EIF4ENIF1: variants seen among roughly 807,000 people sequenced by gnomAD.
The protein encoded by EIF4ENIF1 is eukaryotic translation initiation factor 4E nuclear import factor 1.
Under a neutral mutation model 110.5 loss-of-function variants are expected in EIF4ENIF1, and 23 were observed. The observed-to-expected ratio is 0.21, with a 90% CI of 0.15 to 0.29. EIF4ENIF1 has a LOEUF of 0.29. EIF4ENIF1 is among the 10% of genes least tolerant of loss of function. The probability of loss-of-function intolerance (pLI) is 1.00; values close to 1 mark genes in which losing one functional copy is unlikely to be tolerated. For synonymous variants in EIF4ENIF1, 440 were observed against 437.0 expected, an observed-to-expected ratio of 1.01 and a Z score of -0.09; for missense variants, 1,031 against 1,221.1, an observed-to-expected ratio of 0.84 and a Z score of 2.32.
rs150528076 is a variant in EIF4ENIF1 at position 31,447,546 on chromosome 22, T to C, written c.1868A>G (p.Gln623Arg). 4 of 1,606,406 alleles carry C rather than the reference T, an allele frequency of 2.5e-6. No homozygotes were observed. The highest frequency in any genetic ancestry group is 3.4e-6 in the Non-Finnish European group (4 of 1,174,962). ...GGCCAGCCCTTCTAAAGCTGCCTGTTGCAACTCCAGCTGGCTCATCTGCTG... is the reference window on the plus strand; with the variant it reads ...GGCCAGCCCTTCTAAAGCTGCCTGTCGCAACTCCAGCTGGCTCATCTGCTG... ...ITAQMSQLEL[Q>R]QAALEGLALP... Residue 623 changes from glutamine (Q) to arginine (R), a missense_variant, in exon 14 of 19, where the codon CAA (glutamine) becomes CGA (arginine). By Grantham distance (43) the Gln-to-Arg change is conservative. Transcript: ENST00000330125.
Position 31,439,805 on chromosome 22 carries a change from C to T in EIF4ENIF1, c.*75G>A. 1.3e-6 allele frequency: 2 copies of T among 1,568,304 alleles called. No individual in the cohort carries two copies. Among genetic ancestry groups the T allele is most frequent in the Non-Finnish European group, 1.7e-6 (2 of 1,165,656 alleles). ...GTGCTCCAAAGTAAAAGCCCATAAA[C>T]CAACCCGAGATGAAGCAGGGTCCTG... On this transcript the variant is annotated 3_prime_UTR_variant, in exon 19 of 19. Transcript: ENST00000330125.
Position 31,440,685 on chromosome 22 carries a change from G to A in EIF4ENIF1, c.2716+19C>T, listed in dbSNP as rs762520848. 6.2e-7 allele frequency: 1 copy of A among 1,609,594 alleles called. No homozygotes were observed. Reference sequence around the variant, plus strand: ...CCCTAAGTCCGTCCCAAACTCACCTGTCACATTCCTGAACCTACCTGAGCG... The same window carrying A: ...CCCTAAGTCCGTCCCAAACTCACCTATCACATTCCTGAACCTACCTGAGCG... On this transcript the variant is annotated intron_variant, in intron 18 of 18. Transcript: ENST00000330125.
At chr22:31,457,980 A>C (rs964114278) in intron 7 of EIF4ENIF1, among the ~76,000 whole-genome samples, 3 of 152,218 alleles carry the variant, frequency 2.0e-5, no homozygotes, top group African/African-American at 7.2e-5. Flanking sequence ...CTGTAATCCC[A>C]GCACTTTGGG....
rs754072166 is a variant in EIF4ENIF1, at chr22:31,449,484, CAGA to C, written c.1629_1631del (p.Leu544del). On this transcript the variant is annotated inframe_deletion, in exon 12 of 19. Coordinates refer to ENST00000330125, the MANE Select transcript of EIF4ENIF1 (RefSeq NM_019843.4). ...GCTCCAAGCTCCCCATAAGGCCACTCAGAAGATTGGAAGAAGCAGGTCTCTGAA... is the reference window on the plus strand; with the variant it reads ...GCTCCAAGCTCCCCATAAGGCCACTCAGATTGGAAGAAGCAGGTCTCTGAA... The C allele has an allele frequency of 4.6e-5, 74 of 1,613,984 alleles. No individual in the cohort carries two copies. Among genetic ancestry groups the C allele is most frequent in the Non-Finnish European group, 5.9e-5 (70 of 1,180,020 alleles).
chr22:31,455,090 T>G (rs1464251804), intron 9 of EIF4ENIF1, 46 bp downstream of exon 9: 1 of 1,529,856 alleles, frequency 6.5e-7, no homozygotes, highest in Admixed American at 1.9e-5. Flanking sequence ...AGACTGAACA[T>G]CTAGACCTTT....
At position 31,463,843 on chromosome 22, in the gene EIF4ENIF1, C is replaced by T; in HGVS notation, c.423G>A (p.Glu141=). ...GCAGACGAAGCCCATCACTATCTTT[C>T]TCTAATGGACTTCCTGAGCGCCGGG... ...VSSRRSGSPL[E]KDSDGLRLLG... The change falls in exon 5 of 19, where the codon GAG becomes GAA. Residue 141 remains glutamate (E), a synonymous_variant. Transcript: ENST00000330125. 6.2e-7 allele frequency: 1 copy of T among 1,614,084 alleles called. No homozygotes were observed. Among genetic ancestry groups the T allele is most frequent in the Non-Finnish European group, 8.5e-7 (1 of 1,180,024 alleles).
intron 10 of EIF4ENIF1, among the ~76,000 whole-genome samples, chr22:31,451,927 G>A (rs2050688726): frequency 6.6e-6 from 1 of 152,132 alleles, no homozygotes; most frequent in Admixed American, 6.5e-5. Context: ...AAAGTCCAAA[G>A]CAGTGTCTAG....
Position 31,440,007 on chromosome 22 carries a change from C to G in EIF4ENIF1, c.2831G>C (p.Arg944Pro), listed in dbSNP as rs752377730. 4 of 1,613,522 alleles carry G rather than the reference C, an allele frequency of 2.5e-6. No homozygotes were observed. Among genetic ancestry groups the G allele is most frequent in the East Asian group, 4.5e-5 (2 of 44,886 alleles). The change falls in exon 19 of 19, where the codon CGC becomes CCC. Residue 944 changes from arginine (R) to proline (P), a missense_variant. Arg to Pro is a moderately radical substitution (Grantham distance 103). This residue lies in a region of EIF4ENIF1 where 309 missense variants were observed against 299.1 expected (regional missense o/e 1.03). Transcript: ENST00000330125. The stretch of plus-strand genomic sequence containing the variant: ...AGGGGAGCTGCTCCTCTGGCTGGGG[C>G]GATGCTCCAGCTGGGAGTGCATGTG... The part of the protein sequence containing the change: ...LPHMHSQLEH[R>P]PSQRSSSPVG...
chr22:31,458,925 CT>C (rs11337049), intron 6 of EIF4ENIF1, among the ~76,000 whole-genome samples: 25,850 of 107,126 alleles, frequency 0.24, 2,406 homozygotes, highest in East Asian at 0.44. Flanking sequence ...GGAGGGGGGT[CT>C]TTTTTTTTTT....
chr22:31,466,248 A>G (rs1378330275), intron 4 of EIF4ENIF1, among the ~76,000 whole-genome samples: 2 of 152,228 alleles, frequency 1.3e-5, no homozygotes, highest in Non-Finnish European at 2.9e-5. Flanking sequence ...CCCTGTCTCT[A>G]CTAAAAATAC....
At chr22:31,472,268 G>C (rs1321143525) in intron 2 of EIF4ENIF1, among the ~76,000 whole-genome samples, 1 of 129,346 alleles carries the variant, frequency 7.7e-6, no homozygotes, top group African/African-American at 3.2e-5. Context: ...ACTTACAAGG[G>C]GATTTTTTTT....
At chr22:31,480,080 A>G (rs1286412594) in intron 2 of EIF4ENIF1, among the ~76,000 whole-genome samples, 2 of 152,154 alleles carry the variant, frequency 1.3e-5, no homozygotes, top group African/African-American at 4.8e-5. Flanking sequence ...TATGGCGAAT[A>G]TAAGAGTTAA....
In EIF4ENIF1 at chr22:31,471,557, G is replaced by A. The variant is rs538728359; in HGVS notation, c.170+287C>T. 5.3e-5 allele frequency among the ~76,000 whole-genome samples: 8 copies of A among 152,204 alleles called. No individual in the cohort carries two copies. In the East Asian group the frequency reaches 7.7e-4, roughly 15 times the overall value. On this transcript the variant is annotated intron_variant, in intron 3 of 18. Coordinates refer to ENST00000330125, the MANE Select transcript of EIF4ENIF1 (RefSeq NM_019843.4). ...TCTCGATCTCCTGACCTCGTGATCCGCCTGCCTTGGCCTCCCAAAGTGCTG... is the reference window on the plus strand; with the variant it reads ...TCTCGATCTCCTGACCTCGTGATCCACCTGCCTTGGCCTCCCAAAGTGCTG...
At chr22:31,466,616 G>T (rs867310239) in intron 4 of EIF4ENIF1, among the ~76,000 whole-genome samples, 45 of 132,134 alleles carry the variant, frequency 3.4e-4, no homozygotes, top group African/African-American at 1.2e-3. Flanking sequence ...GCAAATCAGC[G>T]CTTGCTTGGG....
chr22:31,464,493 G>A (rs1432203119), intron 4 of EIF4ENIF1, among the ~76,000 whole-genome samples: 2 of 150,408 alleles, frequency 1.3e-5, no homozygotes, highest in Non-Finnish European at 3.0e-5. Flanking sequence ...GCCTGGCCAA[G>A]ATGGTGAAAC....
At chr22:31,442,432 C>T (rs146145059) in intron 16 of EIF4ENIF1, among the ~76,000 whole-genome samples, 1 of 152,184 alleles carries the variant, frequency 6.6e-6, no homozygotes, top group East Asian at 1.9e-4. Context: ...GATTTCCTCC[C>T]CACCACCCAC....
In EIF4ENIF1 at chr22:31,463,983, A is replaced by G. The variant is rs746553936; in HGVS notation, c.299-16T>C. On this transcript the variant is annotated splice_polypyrimidine_tract_variant and intron_variant, in intron 4 of 18. Transcript: ENST00000330125. Reference sequence around the variant, plus strand: ...TCTCGTGGATCTGGAAGGACGTGGGAAAGACAAAGTTAAACAAACCAACAA... The same window carrying G: ...TCTCGTGGATCTGGAAGGACGTGGGGAAGACAAAGTTAAACAAACCAACAA... The G allele has an allele frequency of 1.2e-6, 2 of 1,604,238 alleles. No homozygotes were observed. The highest frequency in any genetic ancestry group is 1.7e-6 in the Non-Finnish European group (2 of 1,176,958).
intron 2 of EIF4ENIF1, among the ~76,000 whole-genome samples, chr22:31,476,761 G>C (rs899649771): frequency 2.0e-5 from 3 of 151,870 alleles, no homozygotes; most frequent in Non-Finnish European, 4.4e-5. Context: ...GCCTGAGCCT[G>C]GGAGGCAGAG....
intron 13 of EIF4ENIF1, 108 bp downstream of exon 13, chr22:31,448,044 TG>T: frequency 1.6e-6 from 2 of 1,255,268 alleles, no homozygotes; most frequent in Non-Finnish European, 2.3e-6. Context: ...CCACTATGCC[TG>T]GCCTCAAAAC....
Sources: gnomAD v4.1 joint callset for allele counts (sites outside exome capture counted in the v4.1 genomes callset) on GRCh38, gnomAD v4.1.1 for gene constraint, gnomAD v4.1.1 regional missense constraint, MANE v1.5 for transcripts, NCBI Gene and HGNC (gene_info 2026-07-23, HGNC 2026-07-21) for gene names.